Variants in PLEKHA5 observed in about 807,000 individuals in gnomAD.
PLEKHA5 encodes pleckstrin homology domain-containing family A member 5.
In PLEKHA5, 55 loss-of-function variants were observed where a neutral mutation model predicts 181.9. The observed-to-expected ratio is 0.30, with a 90% CI of 0.24 to 0.38. The LOEUF is 0.38. Among genes scored for constraint, PLEKHA5 ranks in the 10% least tolerant of loss-of-function variants. PLEKHA5 has a pLI of 1.00. For missense variants in PLEKHA5, 1,432 were observed against 1,549.5 expected, an observed-to-expected ratio of 0.92 and a Z score of 1.27; for synonymous variants, 535 against 529.4, an observed-to-expected ratio of 1.01 and a Z score of -0.15.
intron 3 of PLEKHA5, among the ~76,000 whole-genome samples, chr12:19,158,514 T>C (rs921657061): frequency 2.0e-5 from 3 of 152,166 alleles, no homozygotes; most frequent in Non-Finnish European, 4.4e-5. Flanking sequence ...CTCTTCTTGA[T>C]TTTTCTTTTT....
intron 20 of PLEKHA5, among the ~76,000 whole-genome samples, chr12:19,334,829 A>AAAAAAAAAAAATAAATAT: frequency 5.4e-5 from 1 of 18,602 alleles, no homozygotes; most frequent in Non-Finnish European, 1.4e-4. Context: ...AAAAAAAAAA[A>AAAAAAAAAAAATAAATAT]ATATATATAT....
chr12:19,195,785 C>A (rs2052564586), intron 3 of PLEKHA5, among the ~76,000 whole-genome samples: 1 of 151,044 alleles, frequency 6.6e-6, no homozygotes. Context: ...TATATATACA[C>A]ATACATACAA....
At position 19,303,386 on chromosome 12, in the gene PLEKHA5, C is replaced by T. The variant is rs952408609; in HGVS notation, c.2038-11428C>T. 3.9e-5 allele frequency: 6 copies of T among 152,288 alleles called. No individual in the cohort carries two copies. In the East Asian group the frequency reaches 1.2e-3, roughly 29 times the overall value. The allele number at this position is 152,288 out of a possible 1,614,324, so 9.4% of individuals were successfully genotyped here. On this transcript the variant is annotated intron_variant, in intron 15 of 31. Coordinates refer to ENST00000429027, the MANE Select transcript of PLEKHA5 (RefSeq NM_001256470.2). Reference sequence around the variant, plus strand: ...CAAATGATTCAGGAGCATTTTACCTCATGAGTTAGAATATCCTATTTTTTC... The same window carrying T: ...CAAATGATTCAGGAGCATTTTACCTTATGAGTTAGAATATCCTATTTTTTC...
intron 15 of PLEKHA5, among the ~76,000 whole-genome samples, chr12:19,297,419 G>A (rs905262812): frequency 3.3e-5 from 5 of 150,636 alleles, no homozygotes; most frequent in African/African-American, 9.8e-5. Flanking sequence ...TCAGGAGATC[G>A]AGACCATCCT....
At chr12:19,157,447 A>C (rs1785483257) in intron 3 of PLEKHA5, among the ~76,000 whole-genome samples, 2 of 152,050 alleles carry the variant, frequency 1.3e-5, no homozygotes, top group Admixed American at 1.3e-4. Context: ...GATGGTAGAG[A>C]TAACATACTG....
chr12:19,283,951 C>G (rs1264788614), intron 12 of PLEKHA5, among the ~76,000 whole-genome samples: 2 of 152,186 alleles, frequency 1.3e-5, no homozygotes, highest in African/African-American at 2.4e-5. Flanking sequence ...CTTCATCTCT[C>G]AGGAACACAG....
Position 19,236,409 on chromosome 12 carries a change from G to A in PLEKHA5, c.228-17531G>A, listed in dbSNP as rs117892768. 1.4e-3 allele frequency among the ~76,000 whole-genome samples: 211 copies of A among 152,200 alleles called. 3 individuals carry two copies. In the East Asian group the frequency reaches 0.026, roughly 19 times the overall value. On this transcript the variant is annotated intron_variant, in intron 3 of 31. Coordinates refer to ENST00000429027, the MANE Select transcript of PLEKHA5 (RefSeq NM_001256470.2). ...TCTTGTTGGGTTATGAGGCTCACAT[G>A]AATTTGTAAAGTGCTTAACATAGTA... is the stretch of plus-strand genomic sequence containing the variant.
intron 21 of PLEKHA5, among the ~76,000 whole-genome samples, chr12:19,341,795 C>T (rs1005338929): frequency 3.9e-5 from 6 of 152,038 alleles, no homozygotes; most frequent in African/African-American, 7.2e-5. Flanking sequence ...GACAGTGGCA[C>T]GATCTTGGCT....
Position 19,257,481 on chromosome 12 carries a change from T to A in PLEKHA5, c.481T>A (p.Ser161Thr). Residue 161 changes from serine to threonine, a missense_variant, in exon 6 of 32, where the codon TCA becomes ACA. Transcript: ENST00000429027. ...KVHNFGKRSN[S>T]IKRNPNAPVV... ...TCATAATTTTGGAAAGAGGTCAAATTCAATTAAAAGGAATCCTAATGCACC... is the reference window on the plus strand; with the variant it reads ...TCATAATTTTGGAAAGAGGTCAAATACAATTAAAAGGAATCCTAATGCACC... The A allele has an allele frequency of 6.2e-7, 1 of 1,609,828 alleles. No homozygotes were observed. The highest frequency in any genetic ancestry group is 8.5e-7 in the Non-Finnish European group (1 of 1,177,518).
rs533754874 is a variant in PLEKHA5, at chr12:19,173,314, C to T, written c.227+40864C>T. Among the ~76,000 whole-genome samples the T allele has an allele frequency of 1.8e-4, 28 of 152,158 alleles. No homozygotes were observed. In the South Asian group the frequency reaches 5.4e-3, roughly 29 times the overall value. On this transcript the variant is annotated intron_variant, in intron 3 of 31. Transcript: ENST00000429027. Reference sequence around the variant, plus strand: ...CTGGGATTACAGGCGTGAGCCACCGCGCCCGGCCCTTGATTTCCCTTTCTT... The same window carrying T: ...CTGGGATTACAGGCGTGAGCCACCGTGCCCGGCCCTTGATTTCCCTTTCTT...
intron 3 of PLEKHA5, among the ~76,000 whole-genome samples, chr12:19,165,754 C>A (rs574714717): frequency 1.9e-4 from 29 of 152,234 alleles, no homozygotes; most frequent in African/African-American, 6.7e-4. Flanking sequence ...GCTCTAAAAC[C>A]TCTGTATTTT....
At chr12:19,239,267 G>C (rs756063942) in intron 3 of PLEKHA5, among the ~76,000 whole-genome samples, 5 of 152,130 alleles carry the variant, frequency 3.3e-5, no homozygotes, top group Non-Finnish European at 4.4e-5. Context: ...AGCATGCCCT[G>C]CGTTGTACTC....
At chr12:19,161,869 G>A (rs1277936397) in intron 3 of PLEKHA5, among the ~76,000 whole-genome samples, 1 of 152,132 alleles carries the variant, frequency 6.6e-6, no homozygotes, top group East Asian at 1.9e-4. Context: ...GTATGTGGAT[G>A]CCAACTTCAA....
At chr12:19,311,595 A>G (rs1404674015) in intron 15 of PLEKHA5, among the ~76,000 whole-genome samples, 1 of 152,188 alleles carries the variant, frequency 6.6e-6, no homozygotes, top group Non-Finnish European at 1.5e-5. Flanking sequence ...TCAAGAAACT[A>G]CTTTCTTTGC....
intron 10 of PLEKHA5, among the ~76,000 whole-genome samples, chr12:19,272,244 A>T (rs974501107): frequency 6.6e-6 from 1 of 152,184 alleles, no homozygotes; most frequent in South Asian, 2.1e-4. Flanking sequence ...TATATATCTC[A>T]GTGTATTTTC....
chr12:19,222,187 G>A (rs964252946), intron 3 of PLEKHA5, among the ~76,000 whole-genome samples: 5 of 151,814 alleles, frequency 3.3e-5, no homozygotes, highest in South Asian at 2.1e-4. Context: ...TTATACACAC[G>A]CACCCACAGT....
chr12:19,197,724 GTGTGTGTGTTTA>G (rs2053221647), intron 3 of PLEKHA5, among the ~76,000 whole-genome samples: 1 of 113,532 alleles, frequency 8.8e-6, no homozygotes, highest in Admixed American at 9.2e-5. Flanking sequence ...GTGTGTGTGT[GTGTGTGTGTTTA>G]AGTCGCCTCG....
intron 15 of PLEKHA5, among the ~76,000 whole-genome samples, chr12:19,305,292 G>A (rs1462304109): frequency 6.6e-6 from 1 of 152,210 alleles, no homozygotes; most frequent in African/African-American, 2.4e-5. Flanking sequence ...GTGGGGTGCA[G>A]TGGCTCACGC....
At position 19,348,481 on chromosome 12, in the gene PLEKHA5, C is replaced by A; in HGVS notation, c.2981C>A (p.Ser994Ter). 6.3e-7 allele frequency: 1 copy of A among 1,584,932 alleles called. No individual in the cohort carries two copies. Among genetic ancestry groups the A allele is most frequent in the South Asian group, 1.2e-5 (1 of 86,144 alleles). The change falls in exon 25 of 32, where the codon TCA (serine) becomes TAA (stop). Residue 994 changes from serine to a stop codon, truncating the protein, a stop_gained. Transcript: ENST00000429027. LOFTEE classifies it high-confidence loss of function. ...GATGAATCTAATGGAGAAGAAAAATCAGAACCTGTTTCAGAGATAGAAACT... is the reference window on the plus strand; with the variant it reads ...GATGAATCTAATGGAGAAGAAAAATAAGAACCTGTTTCAGAGATAGAAACT... ...EVDESNGEEK[S>*]EPVSEIETSV...
Sources: gnomAD v4.1 joint callset for allele counts (sites outside exome capture counted in the v4.1 genomes callset) on GRCh38, gnomAD v4.1.1 for gene constraint, MANE v1.5 for transcripts, NCBI Gene and HGNC (gene_info 2026-07-23, HGNC 2026-07-21) for gene names.